OR1J2: variants seen among roughly 807,000 people sequenced by gnomAD.
The protein encoded by OR1J2 is olfactory receptor 1J2.
For missense variants in OR1J2, 304 were observed against 246.1 expected (o/e 1.24, Z -1.57); for synonymous variants, 142 against 99.7 (o/e 1.42, Z -2.52).
chr9:122,477,282 C>A, the OR1J2 span: 1 of 1,614,112 alleles, frequency 6.2e-7, no homozygotes, highest in South Asian at 1.1e-5. Context: ...CATAAGAAAC[C>A]AGGATGCACA....
chr9:122,553,693 T>G, the OR1J2 span: 3 of 1,614,116 alleles, frequency 1.9e-6, no homozygotes, highest in Non-Finnish European at 1.7e-6. Flanking sequence ...CCTGCCCTGA[T>G]GCACACACTG....
At chr9:122,518,847 C>T in the OR1J2 span, among the ~76,000 whole-genome samples, 1 of 152,178 alleles carries the variant, frequency 6.6e-6, no homozygotes, top group Non-Finnish European at 1.5e-5. Flanking sequence ...ATTGGAAAGA[C>T]GTTATCTTAC....
the OR1J2 span, among the ~76,000 whole-genome samples, chr9:122,523,019 G>T: frequency 6.6e-6 from 1 of 152,166 alleles, no homozygotes; most frequent in African/African-American, 2.4e-5. Context: ...TTACAGCTGG[G>T]AAAATTGAGG....
At chr9:122,567,076 T>C in the OR1J2 span, 2 of 152,330 alleles carry the variant, frequency 1.3e-5, no homozygotes, top group African/African-American at 4.8e-5. Flanking sequence ...TAAAAAATTA[T>C]AAAAATTCTC....
downstream of OR1J2, among the ~76,000 whole-genome samples, chr9:122,512,118 CT>C (rs147591383): frequency 0.011 from 1,659 of 152,308 alleles, 31 homozygotes; most frequent in African/African-American, 0.037. Flanking sequence ...TATTATTTTA[CT>C]ATTCTCTCTA....
the OR1J2 span, among the ~76,000 whole-genome samples, chr9:122,572,558 G>GT: frequency 7.0e-6 from 1 of 142,476 alleles, no homozygotes; most frequent in Non-Finnish European, 1.5e-5. Flanking sequence ...TCATTGTTTT[G>GT]TTTTTTTGGT....
chr9:122,457,146 A>T, the OR1J2 span, among the ~76,000 whole-genome samples: 2 of 152,200 alleles, frequency 1.3e-5, no homozygotes, highest in South Asian at 4.1e-4. Flanking sequence ...GCATGTTCTT[A>T]CTTATAAGTG....
chr9:122,493,855 A>G, the OR1J2 span, among the ~76,000 whole-genome samples: 4 of 152,122 alleles, frequency 2.6e-5, no homozygotes, highest in African/African-American at 9.7e-5. Context: ...TCCTCTTAGC[A>G]CTGCTTTTGC....
Position 122,511,077 on chromosome 9 carries a change from C to A in OR1J2, c.276C>A (p.Ile92=). 1 of 1,259,750 alleles carries A rather than the reference C, an allele frequency of 7.9e-7. No individual in the cohort carries two copies. The highest frequency in any genetic ancestry group is 1.1e-6 in the Non-Finnish European group (1 of 871,700). 78.0% of individuals were successfully genotyped at this position (1,259,750 alleles called of 1,614,324 possible). The stretch of plus-strand genomic sequence containing the variant: ...ACATGCGGACTAAGTACAAATCGAT[C>A]CTCTATGAGGAATGCATTTCTCAGA... The part of the protein sequence containing the change: ...LMDMRTKYKS[I]LYEECISQMY... Residue 92 remains isoleucine, a synonymous_variant, in exon 1 of 1, where the codon ATC becomes ATA. Coordinates refer to ENST00000335302, the MANE Select transcript of OR1J2 (RefSeq NM_054107.1).
the OR1J2 span, among the ~76,000 whole-genome samples, chr9:122,488,350 G>A: frequency 6.6e-6 from 1 of 152,038 alleles, no homozygotes; most frequent in Non-Finnish European, 1.5e-5. Context: ...TGTTGCCCAG[G>A]GTGGTCTCAA....
the OR1J2 span, among the ~76,000 whole-genome samples, chr9:122,569,595 T>C: frequency 1.2e-5 from 1 of 81,568 alleles, no homozygotes; most frequent in African/African-American, 4.8e-5. Context: ...ATTTATACAT[T>C]TTTGGCTACC....
the OR1J2 span, chr9:122,554,082 T>C: frequency 1.9e-6 from 3 of 1,613,534 alleles, no homozygotes; most frequent in South Asian, 2.2e-5. Flanking sequence ...GCTAAACCCA[T>C]TCATTTATAG....
upstream of OR1J2, among the ~76,000 whole-genome samples, chr9:122,506,829 A>T (rs893659239): frequency 2.6e-5 from 4 of 152,158 alleles, no homozygotes; most frequent in Admixed American, 1.3e-4. Context: ...GGAGAAAAAG[A>T]TGAACGAAGA....
At chr9:122,553,842 A>C in the OR1J2 span, 1 of 1,613,634 alleles carries the variant, frequency 6.2e-7, no homozygotes, top group Non-Finnish European at 8.5e-7. Flanking sequence ...GCTGTTCCTC[A>C]CTGTTCCCCT....
At chr9:122,566,095 A>C in the OR1J2 span, among the ~76,000 whole-genome samples, 2 of 152,222 alleles carry the variant, frequency 1.3e-5, no homozygotes, top group African/African-American at 4.8e-5. Flanking sequence ...CATTGGAATA[A>C]TATAGATGTA....
At chr9:122,522,705 C>A in the OR1J2 span, among the ~76,000 whole-genome samples, 1 of 152,012 alleles carries the variant, frequency 6.6e-6, no homozygotes, top group African/African-American at 2.4e-5. Context: ...ATAGATTGTG[C>A]CCCTCAGTAG....
At chr9:122,488,820 G>A in the OR1J2 span, among the ~76,000 whole-genome samples, 3 of 152,032 alleles carry the variant, frequency 2.0e-5, no homozygotes, top group South Asian at 6.2e-4. Context: ...CAAGAATTTT[G>A]TGAGGCACTG....
At chr9:122,574,907 A>C in the OR1J2 span, among the ~76,000 whole-genome samples, 1 of 151,984 alleles carries the variant, frequency 6.6e-6, no homozygotes, top group East Asian at 1.9e-4. Context: ...AGAATCATAG[A>C]TGGGTGTTGG....
At chr9:122,453,608 T>A in the OR1J2 span, among the ~76,000 whole-genome samples, 1 of 152,162 alleles carries the variant, frequency 6.6e-6, no homozygotes, top group Non-Finnish European at 1.5e-5. Flanking sequence ...AGTTCAAGTA[T>A]CCCAAAGGCT....
Sources: allele counts gnomAD v4.1 joint callset (sites outside exome capture counted in the v4.1 genomes callset), GRCh38; gene constraint gnomAD v4.1.1; transcripts MANE v1.5; gene names NCBI Gene and HGNC (gene_info 2026-07-23, HGNC 2026-07-21).